Variants in UBE2J2 observed in about 807,000 individuals in gnomAD.
The protein encoded by UBE2J2 is ubiquitin-conjugating enzyme E2 J2.
Under a neutral mutation model 28.6 loss-of-function variants are expected in UBE2J2, and 5 were observed. That is an observed-to-expected ratio of 0.17 (90% CI 0.09 to 0.37). The LOEUF is 0.37. Ranked by LOEUF, UBE2J2 falls within the 10% of genes least tolerant of loss-of-function variation. UBE2J2 has a pLI of 1.00. For missense variants in UBE2J2, 226 were observed against 338.9 expected (o/e 0.67, Z 2.62); for synonymous variants, 138 against 139.7 (o/e 0.99, Z 0.09).
chr1:1,261,576 AC>A (rs1469455592), intron 3 of UBE2J2, among the ~76,000 whole-genome samples: 1 of 152,104 alleles, frequency 6.6e-6, no homozygotes, highest in Non-Finnish European at 1.5e-5. Context: ...TTTTTAAAAA[AC>A]TAAAACCACA....
intron 2 of UBE2J2, 24 bp downstream of exon 2, chr1:1,267,838 G>C: frequency 1.2e-6 from 2 of 1,612,602 alleles, no homozygotes; most frequent in Non-Finnish European, 1.7e-6. Flanking sequence ...TCAGCGCAGG[G>C]CGATCAGTGG....
In UBE2J2 at chr1:1,254,861, G is replaced by A. The variant is rs1350757937; in HGVS notation, c.*342C>T. On this transcript the variant is annotated 3_prime_UTR_variant, in exon 7 of 7. Coordinates refer to ENST00000349431, the MANE Select transcript of UBE2J2 (RefSeq NM_058167.3). ...CTCCAAGAACGCAGGAGCAGCCCGCGGTCGGCAGCAAGTTTGCATTTCTAA... is the reference window on the plus strand; with the variant it reads ...CTCCAAGAACGCAGGAGCAGCCCGCAGTCGGCAGCAAGTTTGCATTTCTAA... 1.5e-5 allele frequency: 3 copies of A among 193,632 alleles called. No homozygotes were observed. The highest frequency in any genetic ancestry group is 4.7e-5 in the African/African-American group (2 of 42,990). The allele number at this position is 193,632 out of a possible 1,614,324, so 12.0% of individuals were successfully genotyped here.
At position 1,262,313 on chromosome 1, in the gene UBE2J2, G is replaced by A. The variant is rs565443772; in HGVS notation, c.172+1033C>T. 327 of 456,086 alleles carry A rather than the reference G, an allele frequency of 7.2e-4. 1 individual carries two copies. The highest frequency in any genetic ancestry group is 1.1e-3 in the Non-Finnish European group (257 of 226,906). 28.3% of individuals were successfully genotyped at this position (456,086 alleles called of 1,614,324 possible). ...CAACGCTGGTCATGGGCAATGACAC[G>A]ATGATGGAGGGCCCACCCTACAGAT... On this transcript the variant is annotated intron_variant, in intron 3 of 6. Transcript: ENST00000349431.
intron 5 of UBE2J2, among the ~76,000 whole-genome samples, chr1:1,256,675 A>G (rs1350675524): frequency 5.9e-5 from 9 of 151,928 alleles, no homozygotes; most frequent in Non-Finnish European, 1.3e-4. Context: ...GAGGTCAGGA[A>G]ATCAAGACAT....
In UBE2J2 at chr1:1,256,852, A is replaced by C. The variant is rs1002371781; in HGVS notation, c.414+140T>G. ...CAGTGAGCCGAGATTGCGCCACTGC[A>C]CTCCAGCCTGGAGACACAGCGAGAC... On this transcript the variant is annotated intron_variant, in intron 5 of 6. Coordinates refer to ENST00000349431, the MANE Select transcript of UBE2J2 (RefSeq NM_058167.3). The C allele has an allele frequency of 7.5e-6, 6 of 802,602 alleles. No homozygotes were observed. The Admixed American group carries it at 1.0e-4, about 14-fold the overall frequency. The allele number at this position is 802,602 out of a possible 1,614,324, so 49.7% of individuals were successfully genotyped here. A position where few individuals can be genotyped will look rare whatever the true frequency, so the allele number is the denominator to read the frequency against.
intron 2 of UBE2J2, among the ~76,000 whole-genome samples, chr1:1,267,506 A>G (rs1229703547): frequency 6.6e-6 from 1 of 152,190 alleles, no homozygotes; most frequent in Non-Finnish European, 1.5e-5. Flanking sequence ...CACACCAGCA[A>G]CAGCTGTGAA....
chr1:1,259,960 T>C (rs561225714), intron 3 of UBE2J2, among the ~76,000 whole-genome samples: 111 of 152,336 alleles, frequency 7.3e-4, no homozygotes, highest in South Asian at 2.3e-3. Flanking sequence ...GTTTCCCTCG[T>C]GTCTCTCTCT....
chr1:1,255,511 G>A (rs201334873), intron 6 of UBE2J2, 24 bp from the exon 7 acceptor site: 130 of 1,594,236 alleles, frequency 8.2e-5, no homozygotes, highest in Non-Finnish European at 1.1e-4. Context: ...AGCGAGAAAA[G>A]CAGCTGGTCT....
In UBE2J2 at chr1:1,255,224, C is replaced by T; in HGVS notation, c.759G>A (p.Leu253=). 1 of 1,606,134 alleles carries T rather than the reference C, an allele frequency of 6.2e-7. No individual in the cohort carries two copies. Among genetic ancestry groups the T allele is most frequent in the Non-Finnish European group, 8.5e-7 (1 of 1,174,528 alleles). Residue 253 remains leucine, a synonymous_variant, in exon 7 of 7, where the codon CTG becomes CTA. Transcript: ENST00000349431. The part of the protein sequence containing the change: ...AAFAYTVKYV[L]RSIAQE ...GGCCTCACTCCTGCGCGATGCTCCT[C>T]AGCACGTACTTGACCGTGTAAGCAA...
intron 1 of UBE2J2, among the ~76,000 whole-genome samples, chr1:1,272,596 G>A (rs1306666628): frequency 1.4e-5 from 2 of 147,616 alleles, no homozygotes; most frequent in East Asian, 1.9e-4. Context: ...ACTCACCTGC[G>A]ACTCACACAT....
chr1:1,268,733 T>G lies in UBE2J2; in HGVS notation c.1-741A>C, dbSNP rs955523557. Among the ~76,000 whole-genome samples, 1 of 152,250 alleles carries G rather than the reference T, an allele frequency of 6.6e-6. No individual in the cohort carries two copies. Among genetic ancestry groups the G allele is most frequent in the African/African-American group, 2.4e-5 (1 of 41,468 alleles). On this transcript the variant is annotated intron_variant, in intron 1 of 6. Transcript: ENST00000349431. This position sits in a 1 kb window ranked among gnomAD's most constrained non-coding sequence, Gnocchi z 4.7. The stretch of plus-strand genomic sequence containing the variant: ...TTTTTCGTGAGACAGGGTCTTGCTC[T>G]GTCGCCCAGGCTGGAGTCACTGTGG...
intron 2 of UBE2J2, chr1:1,266,123 T>A: frequency 1.5e-6 from 2 of 1,304,052 alleles, no homozygotes; most frequent in Non-Finnish European, 2.0e-6. Flanking sequence ...TGGGGCCACA[T>A]GTGATTTTCA....
chr1:1,266,558 A>T (rs754407211), intron 2 of UBE2J2, among the ~76,000 whole-genome samples: 1 of 152,066 alleles, frequency 6.6e-6, no homozygotes, highest in African/African-American at 2.4e-5. Flanking sequence ...GTGGTGGCTC[A>T]CGCCTGTAAT....
Position 1,268,001 on chromosome 1 carries a change from A to G in UBE2J2, c.1-9T>C. On this transcript the variant is annotated splice_polypyrimidine_tract_variant and intron_variant, in intron 1 of 6. Coordinates refer to ENST00000349431, the MANE Select transcript of UBE2J2 (RefSeq NM_058167.3). This position sits in a 1 kb window ranked among gnomAD's most constrained non-coding sequence, Gnocchi z 4.7. ...CTGCTGGTGCTGCTCATCTGTTAAA[A>G]GCAACGTCTACACTGACGACGAGAA... is the stretch of plus-strand genomic sequence containing the variant. The G allele has an allele frequency of 6.2e-7, 1 of 1,613,766 alleles. No individual in the cohort carries two copies. The highest frequency in any genetic ancestry group is 8.5e-7 in the Non-Finnish European group (1 of 1,179,862).
rs1306456327 is a variant in UBE2J2 at position 1,268,043 on chromosome 1, C to T, written c.1-51G>A. On this transcript the variant is annotated intron_variant, in intron 1 of 6. Coordinates refer to ENST00000349431, the MANE Select transcript of UBE2J2 (RefSeq NM_058167.3). This position sits in a 1 kb window ranked among gnomAD's most constrained non-coding sequence, Gnocchi z 4.7. ...CGACGAGAAGCAGCGCCGGCCACAGCTCTCTCCCCTGGCGCAGCCCCACTC... is the reference window on the plus strand; with the variant it reads ...CGACGAGAAGCAGCGCCGGCCACAGTTCTCTCCCCTGGCGCAGCCCCACTC... 6.2e-7 allele frequency: 1 copy of T among 1,602,568 alleles called. No individual in the cohort carries two copies. The highest frequency in any genetic ancestry group is 8.5e-7 in the Non-Finnish European group (1 of 1,172,548).
chr1:1,270,946 G>T (rs755948949), intron 1 of UBE2J2, among the ~76,000 whole-genome samples: 2 of 151,930 alleles, frequency 1.3e-5, no homozygotes, highest in Non-Finnish European at 2.9e-5. Flanking sequence ...CCTTCTCACA[G>T]CTGCTTCCCA....
chr1:1,264,072 G>A (rs1639711802), intron 2 of UBE2J2, among the ~76,000 whole-genome samples: 1 of 152,140 alleles, frequency 6.6e-6, no homozygotes, highest in South Asian at 2.1e-4. Context: ...ACACATGCAG[G>A]CTAAACAGAA....
intron 3 of UBE2J2, among the ~76,000 whole-genome samples, chr1:1,258,230 AC>A (rs1299724563): frequency 6.6e-6 from 1 of 151,318 alleles, no homozygotes; most frequent in Non-Finnish European, 1.5e-5. Context: ...TTTAGTAGAG[AC>A]GGGGTTTCAC....
At chr1:1,263,411 G>A in intron 2 of UBE2J2, 25 bp from the exon 3 acceptor site, 6 of 1,607,522 alleles carry the variant, frequency 3.7e-6, no homozygotes, top group Non-Finnish European at 5.1e-6. Flanking sequence ...AAAATTACTT[G>A]GGATTTGAGG....
Sources: gnomAD v4.1 joint callset for allele counts (sites outside exome capture counted in the v4.1 genomes callset) on GRCh38, gnomAD v4.1.1 for gene constraint, Gnocchi (gnomAD v3.1) non-coding constraint, MANE v1.5 for transcripts, NCBI Gene and HGNC (gene_info 2026-07-23, HGNC 2026-07-21) for gene names.